The following NAPA variants were observed in gnomAD, a reference collection of about 807,000 sequenced individuals.
The protein encoded by NAPA is alpha-soluble NSF attachment protein.
In NAPA, 18 loss-of-function variants were observed where a neutral mutation model predicts 48.0. The observed-to-expected ratio is 0.38, with a 90% confidence interval of 0.26 to 0.56. The LOEUF (loss-of-function observed/expected upper bound fraction) is 0.56, where lower values mean the gene tolerates loss of function less well. NAPA is among the 20% of genes least tolerant of loss of function. NAPA has a pLI of 0.77. For missense variants in NAPA, 315 were observed against 385.0 expected (o/e 0.82, Z 1.52); for synonymous variants, 152 against 149.9 (o/e 1.01, Z -0.10).
At position 47,490,777 on chromosome 19, in the gene NAPA, C is replaced by T. The variant is rs2122726472; in HGVS notation, c.735+11G>A. 1.2e-6 allele frequency: 2 copies of T among 1,612,926 alleles called. No homozygotes were observed. The highest frequency in any genetic ancestry group is 4.5e-5 in the East Asian group (2 of 44,860). On this transcript the variant is annotated intron_variant, in intron 9 of 10. Coordinates refer to ENST00000263354, the MANE Select transcript of NAPA (RefSeq NM_003827.4). ...TTCGGGAAGGGGGAGGCCGGAGCAC[C>T]CAGCACTTACTTTCATCAACTTGCA...
At position 47,488,110 on chromosome 19, in the gene NAPA, T is replaced by C; in HGVS notation, c.*178A>G. The C allele has an allele frequency of 3.4e-6, 2 of 586,438 alleles. No individual in the cohort carries two copies. The highest frequency in any genetic ancestry group is 6.1e-6 in the Non-Finnish European group (2 of 326,952). The allele number at this position is 586,438 out of a possible 1,614,324, so 36.3% of individuals were successfully genotyped here. ...ATGTAGCGAGAACAGAGGGTGACTGTCCGGCCAGCAGCCTGGGCCTCTGGC... is the reference window on the plus strand; with the variant it reads ...ATGTAGCGAGAACAGAGGGTGACTGCCCGGCCAGCAGCCTGGGCCTCTGGC... On this transcript the variant is annotated 3_prime_UTR_variant, in exon 11 of 11. Transcript: ENST00000263354.
At chr19:47,485,814 G>C (rs1173516130), downstream of NAPA, among the ~76,000 whole-genome samples, 1 of 152,220 alleles carries the variant, frequency 6.6e-6, no homozygotes, top group Non-Finnish European at 1.5e-5. Context: ...TGCCGTCAGT[G>C]CTGCTGTATT....
rs2122772565 is a variant in NAPA, at chr19:47,506,934, G to T, written c.99-3432C>A. On this transcript the variant is annotated intron_variant, in intron 1 of 10. Transcript: ENST00000263354. The surrounding 1 kb of genome is among the most constrained non-coding windows in gnomAD (Gnocchi z 4.0). ...GAAAGTGACGTGCCTAGGTTCCAGTGGAAGATCCTGAAGAAGCCATTCACA... is the reference window on the plus strand; with the variant it reads ...GAAAGTGACGTGCCTAGGTTCCAGTTGAAGATCCTGAAGAAGCCATTCACA... 1 of 152,424 alleles carries T rather than the reference G, an allele frequency of 6.6e-6. No individual in the cohort carries two copies. The allele number at this position is 152,424 out of a possible 1,614,324, so 9.4% of individuals were successfully genotyped here.
rs139889297 is a variant in NAPA, at chr19:47,493,301, G to A, written c.420+115C>T. 4.5e-3 allele frequency: 6,741 copies of A among 1,484,504 alleles called. 22 individuals carry two copies. The highest frequency in any genetic ancestry group is 6.3e-3 in the Middle Eastern group (36 of 5,730). The allele number at this position is 1,484,504 out of a possible 1,614,324, so 92.0% of individuals were successfully genotyped here. Reference sequence around the variant, plus strand: ...CAGACCCCATTCTCCAAGCTCTGCCGGCGCCCCATGCCCCCTTCTCGGCAC... The same window carrying A: ...CAGACCCCATTCTCCAAGCTCTGCCAGCGCCCCATGCCCCCTTCTCGGCAC... On this transcript the variant is annotated intron_variant, in intron 5 of 10. Coordinates refer to ENST00000263354, the MANE Select transcript of NAPA (RefSeq NM_003827.4). The surrounding 1 kb of genome is among the most constrained non-coding windows in gnomAD (Gnocchi z 6.4).
chr19:47,492,769 T>G, intron 7 of NAPA, 192 bp downstream of exon 7: 2 of 690,508 alleles, frequency 2.9e-6, no homozygotes, highest in Non-Finnish European at 5.3e-6. Flanking sequence ...TGGCACGGCA[T>G]GGAGTCGTAG....
At chr19:47,512,043 T>C (rs1568472331) in intron 1 of NAPA, among the ~76,000 whole-genome samples, 1 of 152,154 alleles carries the variant, frequency 6.6e-6, no homozygotes, top group African/African-American at 2.4e-5. Context: ...TCCACCTTTA[T>C]GGTCTAACGT....
intron 4 of NAPA, 87 bp downstream of exon 4, chr19:47,495,463 C>G (rs1356692065): frequency 3.5e-6 from 5 of 1,409,776 alleles, no homozygotes. Context: ...AGAATAAGAA[C>G]AGTGCTGGGG....
intron 2 of NAPA, among the ~76,000 whole-genome samples, chr19:47,502,039 G>A (rs914550271): frequency 6.6e-6 from 1 of 151,692 alleles, no homozygotes; most frequent in Non-Finnish European, 1.5e-5. Context: ...TCAGGAGATG[G>A]AGACCATCCT....
intron 3 of NAPA, among the ~76,000 whole-genome samples, chr19:47,497,975 G>A (rs1263476076): frequency 1.3e-5 from 2 of 152,196 alleles, no homozygotes; most frequent in Admixed American, 1.3e-4. Flanking sequence ...GCCCGAGTCT[G>A]CCCTGAGCAG....
intron 1 of NAPA, among the ~76,000 whole-genome samples, chr19:47,503,873 A>G (rs1031679460): frequency 1.3e-5 from 2 of 152,176 alleles, no homozygotes; most frequent in African/African-American, 4.8e-5. Context: ...GGAGACTGCA[A>G]AGCATTCTGG....
chr19:47,510,264 C>T (rs1408068691), intron 1 of NAPA, among the ~76,000 whole-genome samples: 1 of 152,220 alleles, frequency 6.6e-6, no homozygotes, highest in East Asian at 1.9e-4. Context: ...CCTGTACAGA[C>T]AAGCTGGCCC....
chr19:47,498,732 G>A (rs118046757), intron 3 of NAPA, among the ~76,000 whole-genome samples: 4 of 152,304 alleles, frequency 2.6e-5, no homozygotes, highest in Non-Finnish European at 4.4e-5. Flanking sequence ...TGTGAGGCCT[G>A]ACTAGCCTCA....
At chr19:47,495,957 G>C in intron 3 of NAPA, 1 of 252,510 alleles carries the variant, frequency 4.0e-6, no homozygotes, top group Non-Finnish European at 7.9e-6. Flanking sequence ...TTTTAAGACA[G>C]ACCTGCCAAG....
chr19:47,500,488 C>T lies in NAPA; in HGVS notation c.295+145G>A, dbSNP rs932189137. 4 of 580,110 alleles carry T rather than the reference C, an allele frequency of 6.9e-6. No homozygotes were observed. The East Asian group carries it at 1.3e-4, about 19-fold the overall frequency. 35.9% of individuals were successfully genotyped at this position (580,110 alleles called of 1,614,324 possible). Reference sequence around the variant, plus strand: ...GAGAGCCAGTTCTAAAGTCAACGCTCACTCTGCCTCAGGCACGCCCCTGCC... The same window carrying T: ...GAGAGCCAGTTCTAAAGTCAACGCTTACTCTGCCTCAGGCACGCCCCTGCC... On this transcript the variant is annotated intron_variant, in intron 3 of 10. Coordinates refer to ENST00000263354, the MANE Select transcript of NAPA (RefSeq NM_003827.4).
At chr19:47,512,462 G>A (rs1326757129) in intron 1 of NAPA, among the ~76,000 whole-genome samples, 2 of 152,096 alleles carry the variant, frequency 1.3e-5, no homozygotes, top group Non-Finnish European at 2.9e-5. Context: ...TGTTCATCCT[G>A]CCTTCCCAAT....
At chr19:47,490,152 GGTGT>G (rs755581309) in intron 9 of NAPA, among the ~76,000 whole-genome samples, 11 of 147,354 alleles carry the variant, frequency 7.5e-5, no homozygotes, top group South Asian at 6.6e-4. Context: ...TGGTGTGTTC[GGTGT>G]GTGTGTGGGG....
chr19:47,490,364 GGTGTGTGTGTA>G (rs1176490240), intron 9 of NAPA, among the ~76,000 whole-genome samples: 1 of 147,166 alleles, frequency 6.8e-6, no homozygotes, highest in Non-Finnish European at 1.5e-5. Context: ...TGCTGTGTGT[GGTGTGTGTGTA>G]GTGTGTGTGG....
At chr19:47,504,768 G>T (rs1164841773) in intron 1 of NAPA, among the ~76,000 whole-genome samples, 1 of 151,764 alleles carries the variant, frequency 6.6e-6, no homozygotes, top group African/African-American at 2.4e-5. Context: ...TAAGTATTAG[G>T]ATTTATATTT....
downstream of NAPA, chr19:47,487,634 G>A (rs1394387472): frequency 6.6e-6 from 1 of 152,436 alleles, no homozygotes; most frequent in Non-Finnish European, 1.5e-5. Flanking sequence ...GAGGAAGAGA[G>A]ACTCATGCAA....
Sources: allele counts gnomAD v4.1 joint callset (sites outside exome capture counted in the v4.1 genomes callset), GRCh38; gene constraint gnomAD v4.1.1; non-coding constraint Gnocchi (gnomAD v3.1); transcripts MANE v1.5; gene names NCBI Gene and HGNC (gene_info 2026-07-23, HGNC 2026-07-21).